Variants in CDH13 observed in about 807,000 individuals in gnomAD.
The protein encoded by CDH13 is cadherin 13, also known as cadherin-13.
Under a neutral mutation model 63.8 loss-of-function variants are expected in CDH13, and 24 were observed. The ratio of observed to expected loss-of-function variants is 0.38; its 90% confidence interval spans 0.27 to 0.53. CDH13 has a LOEUF of 0.53. Ranked by LOEUF, CDH13 falls within the 20% of genes least tolerant of loss-of-function variation. The pLI, the probability that CDH13 is intolerant of heterozygous loss-of-function variation, is 0.85. For missense variants in CDH13, 1,049 were observed against 903.1 expected (o/e 1.16, Z -2.07); for synonymous variants, 503 against 355.3 (o/e 1.42, Z -4.67).
chr16:83,736,424 A>G (rs1055809910), intron 10 of CDH13, among the ~76,000 whole-genome samples: 58 of 152,292 alleles, frequency 3.8e-4, no homozygotes, highest in African/African-American at 1.3e-3. Context: ...TGTGTATGAT[A>G]TTGTTAAATT....
chr16:83,131,193 C>A (rs796873947), intron 4 of CDH13, among the ~76,000 whole-genome samples: 1 of 126,544 alleles, frequency 7.9e-6, no homozygotes, highest in Non-Finnish European at 1.7e-5. Flanking sequence ...CCCCCCCCCC[C>A]CCCCCCCCGC....
chr16:83,602,107 C>CAAAAAAAAAAAAAAAAAAAAAA (rs869202510), intron 7 of CDH13, among the ~76,000 whole-genome samples: 4 of 7,958 alleles, frequency 5.0e-4, no homozygotes, highest in Non-Finnish European at 7.5e-4. Flanking sequence ...AGAACAACAA[C>CAAAAAAAAAAAAAAAAAAAAAA]AAAAAAAAAA....
intron 1 of CDH13, among the ~76,000 whole-genome samples, chr16:82,794,025 A>G (rs1489633981): frequency 1.3e-5 from 2 of 152,092 alleles, no homozygotes; most frequent in Non-Finnish European, 2.9e-5. Context: ...GCTGGAGGAA[A>G]GCAGAAAGGG....
chr16:83,526,574 G>T (rs1164262195), intron 7 of CDH13, among the ~76,000 whole-genome samples: 1 of 152,206 alleles, frequency 6.6e-6, no homozygotes, highest in African/African-American at 2.4e-5. Context: ...ATGCTCGCTT[G>T]CTAGCCCACT....
At position 83,108,895 on chromosome 16, in the gene CDH13, G is replaced by A. The variant is rs190644292; in HGVS notation, c.367-16490G>A. On this transcript the variant is annotated intron_variant, in intron 3 of 13. Transcript: ENST00000567109. The stretch of plus-strand genomic sequence containing the variant: ...CTTGCCCTTCCGAGTCACAGGTTCT[G>A]CCCTGCCTCCTGGAATTCTCCAGTG... Among the ~76,000 whole-genome samples the A allele has an allele frequency of 3.5e-4, 53 of 152,176 alleles. No individual in the cohort carries two copies. The East Asian group carries it at 0.01, about 29-fold the overall frequency.
intron 7 of CDH13, among the ~76,000 whole-genome samples, chr16:83,545,801 C>A (rs1290218768): frequency 6.6e-6 from 1 of 152,182 alleles, no homozygotes; most frequent in Non-Finnish European, 1.5e-5. Flanking sequence ...TTCAAGACCG[C>A]ATTCAAATAA....
At chr16:83,160,369 A>T (rs994518717) in intron 4 of CDH13, among the ~76,000 whole-genome samples, 5 of 152,098 alleles carry the variant, frequency 3.3e-5, no homozygotes, top group Admixed American at 6.5e-5. Context: ...TAAAAAAATA[A>T]GTTTGATGAA....
At chr16:82,854,612 G>C (rs566115572) in intron 1 of CDH13, among the ~76,000 whole-genome samples, 1 of 152,094 alleles carries the variant, frequency 6.6e-6, no homozygotes, top group African/African-American at 2.4e-5. Context: ...AGAGTGTGCT[G>C]GTTTAAAAGA....
intron 1 of CDH13, among the ~76,000 whole-genome samples, chr16:82,817,576 G>A (rs921964279): frequency 6.6e-6 from 1 of 152,138 alleles, no homozygotes; most frequent in Non-Finnish European, 1.5e-5. Flanking sequence ...GGCCGAGGTG[G>A]GTGGATCACC....
chr16:82,952,865 G>A (rs935344435), intron 2 of CDH13, among the ~76,000 whole-genome samples: 1 of 152,122 alleles, frequency 6.6e-6, no homozygotes, highest in Non-Finnish European at 1.5e-5. Flanking sequence ...TTCCTCACTA[G>A]TGCTTCTAAT....
In CDH13 at chr16:83,762,532, C is replaced by T. The variant is rs552029645; in HGVS notation, c.1681+14282C>T. On this transcript the variant is annotated intron_variant, in intron 11 of 13. Coordinates refer to ENST00000567109, the MANE Select transcript of CDH13 (RefSeq NM_001257.5). ...CCAAATCCCAGTGTCAATACCACTC[C>T]TGCCTACAGGTAATCACCAGAAAGG... Among the ~76,000 whole-genome samples the T allele has an allele frequency of 2.6e-5, 4 of 152,342 alleles. No homozygotes were observed. The South Asian group carries it at 8.3e-4, about 32-fold the overall frequency.
chr16:83,177,502 T>A (rs1280625751), intron 4 of CDH13, among the ~76,000 whole-genome samples: 1 of 152,194 alleles, frequency 6.6e-6, no homozygotes, highest in Non-Finnish European at 1.5e-5. Flanking sequence ...TATGGAGATC[T>A]TGTAAGTTGG....
chr16:83,495,834 C>A (rs149587585), intron 7 of CDH13, among the ~76,000 whole-genome samples: 14 of 152,018 alleles, frequency 9.2e-5, no homozygotes, highest in Non-Finnish European at 2.1e-4. Flanking sequence ...AGAGTTTAGT[C>A]CTCATTATGC....
chr16:83,140,311 G>C lies in CDH13; in HGVS notation c.483+14810G>C, dbSNP rs78714524. ...GCATTTTCCACTTGCCAATGTCTCA[G>C]AAACCTTCTTCATGTCCTTCATCAA... is the stretch of plus-strand genomic sequence containing the variant. On this transcript the variant is annotated intron_variant, in intron 4 of 13. Transcript: ENST00000567109. Among the ~76,000 whole-genome samples the C allele has an allele frequency of 6.2e-4, 94 of 152,302 alleles. No homozygotes were observed. The East Asian group carries it at 0.018, about 29-fold the overall frequency.
intron 1 of CDH13, among the ~76,000 whole-genome samples, chr16:82,816,498 A>G (rs1597686346): frequency 1.3e-5 from 2 of 152,254 alleles, no homozygotes; most frequent in African/African-American, 2.4e-5. Flanking sequence ...TGTAACTTCC[A>G]TAGTGTGGGT....
chr16:82,854,237 A>C (rs1250327958), intron 1 of CDH13, among the ~76,000 whole-genome samples: 1 of 151,902 alleles, frequency 6.6e-6, no homozygotes, highest in East Asian at 1.9e-4. Context: ...GTATCTACTA[A>C]AAAAATACAG....
At chr16:83,709,398 C>T (rs1907660895) in intron 10 of CDH13, among the ~76,000 whole-genome samples, 1 of 152,184 alleles carries the variant, frequency 6.6e-6, no homozygotes, top group South Asian at 2.1e-4. Flanking sequence ...CCAGCGGACT[C>T]CCTCTATAAT....
intron 1 of CDH13, among the ~76,000 whole-genome samples, chr16:82,830,343 T>A (rs1407302484): frequency 6.6e-6 from 1 of 152,232 alleles, no homozygotes; most frequent in South Asian, 2.1e-4. Flanking sequence ...ATACCTGGTG[T>A]TGACTCTTGA....
chr16:82,782,114 T>C (rs930714024), intron 1 of CDH13, among the ~76,000 whole-genome samples: 1 of 152,144 alleles, frequency 6.6e-6, no homozygotes, highest in African/African-American at 2.4e-5. Flanking sequence ...GGTAGAAATA[T>C]GGATATGTAG....
Sources: gnomAD v4.1 joint callset for allele counts (sites outside exome capture counted in the v4.1 genomes callset) on GRCh38, gnomAD v4.1.1 for gene constraint, MANE v1.5 for transcripts, NCBI Gene and HGNC (gene_info 2026-07-23, HGNC 2026-07-21) for gene names.